KLHL4: variants seen among roughly 807,000 people sequenced by gnomAD.
KLHL4 encodes the protein kelch-like protein 4.
Under a neutral mutation model 45.8 loss-of-function variants are expected in KLHL4, and 17 were observed. The ratio of observed to expected loss-of-function variants is 0.37; its 90% CI spans 0.25 to 0.56. The LOEUF is 0.56. Among genes scored for constraint, KLHL4 ranks in the 20% least tolerant of loss-of-function variants. The pLI, the probability that KLHL4 is intolerant of heterozygous loss-of-function variation, is 0.79. For missense variants in KLHL4, 544 were observed against 544.9 expected (o/e 1.00, Z 0.02); for synonymous variants, 224 against 189.9 (o/e 1.18, Z -1.47).
chrX:87,625,123 TTTAAA>T (rs1280854968), intron 5 of KLHL4, among the ~76,000 whole-genome samples: 1 of 112,910 alleles, frequency 8.9e-6, no homozygotes, highest in Non-Finnish European at 1.9e-5. Context: ...TGTTTGCTCC[TTTAAA>T]TTATATGTGT....
chrX:87,664,456 G>A (rs189180663), intron 9 of KLHL4, among the ~76,000 whole-genome samples: 1 of 111,608 alleles, frequency 9.0e-6, no homozygotes, highest in African/African-American at 3.2e-5. Flanking sequence ...CTAAATGAGA[G>A]GAGACTTTTT....
intron 1 of KLHL4, among the ~76,000 whole-genome samples, chrX:87,530,354 T>C (rs1405533639): frequency 9.4e-6 from 1 of 106,617 alleles, no homozygotes; most frequent in Non-Finnish European, 1.9e-5. Flanking sequence ...TGTACCATGC[T>C]GGTGTGCTGC....
At chrX:87,594,874 T>A (rs1282649746) in intron 1 of KLHL4, among the ~76,000 whole-genome samples, 1 of 111,426 alleles carries the variant, frequency 9.0e-6, no homozygotes. Flanking sequence ...TTGCCAGTAG[T>A]TTTCTAGGAA....
At chrX:87,530,024 C>T (rs765951261) in intron 1 of KLHL4, among the ~76,000 whole-genome samples, 1 of 111,054 alleles carries the variant, frequency 9.0e-6, no homozygotes, top group African/African-American at 3.3e-5. Context: ...GGATATTAGC[C>T]CTTTGTCAGA....
chrX:87,640,141 G>A (rs1366838162), intron 9 of KLHL4, among the ~76,000 whole-genome samples: 2 of 110,529 alleles, frequency 1.8e-5, no homozygotes, highest in Non-Finnish European at 3.8e-5. Flanking sequence ...GATTAAACTA[G>A]GAAGAAATAG....
chrX:87,635,474 A>G, intron 8 of KLHL4, 89 bp from the exon 9 acceptor site: 1 of 653,101 alleles, frequency 1.5e-6, no homozygotes, highest in Non-Finnish European at 2.3e-6. Context: ...CTTTGTACAA[A>G]GTTCTCTCAC....
At chrX:87,519,480 A>T (rs920451639) in intron 1 of KLHL4, among the ~76,000 whole-genome samples, 1 of 112,251 alleles carries the variant, frequency 8.9e-6, no homozygotes, top group African/African-American at 3.2e-5. Flanking sequence ...TGATGCCTTT[A>T]TAGGAACTCA....
At chrX:87,607,919 C>T (rs1357041194) in intron 1 of KLHL4, among the ~76,000 whole-genome samples, 7 of 111,442 alleles carry the variant, frequency 6.3e-5, no homozygotes, top group Non-Finnish European at 1.3e-4. Context: ...CAGTTGTTCC[C>T]CTTAATGCCA....
At chrX:87,628,390 A>G (rs1248732680) in intron 6 of KLHL4, among the ~76,000 whole-genome samples, 5 of 111,788 alleles carry the variant, frequency 4.5e-5, no homozygotes, top group African/African-American at 1.6e-4. Flanking sequence ...TAGTAGCAAA[A>G]AAAAGAAAAA....
At position 87,667,872 on chromosome X, in the gene KLHL4, A is replaced by T. The variant is rs1297975819; in HGVS notation, c.*1338A>T. 1.5e-6 allele frequency: 1 copy of T among 661,751 alleles called. No individual in the cohort carries two copies. The highest frequency in any genetic ancestry group is 2.4e-5 in the African/African-American group (1 of 41,609). 54.5% of individuals were successfully genotyped at this position (661,751 alleles called of 1,213,427 possible). ...TTTAAGTTTTAAGAAAGAAGAACGT[A>T]AGTTGTACAAAGATATTTGTACTTT... On this transcript the variant is annotated 3_prime_UTR_variant, in exon 11 of 11. Coordinates refer to ENST00000373119, the MANE Select transcript of KLHL4 (RefSeq NM_019117.5).
At chrX:87,663,743 C>T (rs16980927) in intron 9 of KLHL4, among the ~76,000 whole-genome samples, 4,860 of 112,070 alleles carry the variant, frequency 0.043, 240 homozygotes, top group African/African-American at 0.15. Context: ...TGCTACATGA[C>T]ACTCAATGAT....
At chrX:87,566,662 A>T (rs73509884) in intron 1 of KLHL4, among the ~76,000 whole-genome samples, 1 of 111,712 alleles carries the variant, frequency 9.0e-6, no homozygotes, top group East Asian at 2.8e-4. Flanking sequence ...TTGAAAAATC[A>T]TAAGTCAAAC....
At chrX:87,520,618 A>T (rs113840216) in intron 1 of KLHL4, among the ~76,000 whole-genome samples, 3 of 112,462 alleles carry the variant, frequency 2.7e-5, no homozygotes, top group African/African-American at 9.7e-5. Flanking sequence ...AAATTGAATT[A>T]TAAATACATA....
chrX:87,570,128 C>T (rs1286020952), intron 1 of KLHL4, among the ~76,000 whole-genome samples: 1 of 110,328 alleles, frequency 9.1e-6, no homozygotes, highest in Non-Finnish European at 1.9e-5. Context: ...AATTTATGAT[C>T]TTAAGGGAAA....
At chrX:87,570,069 A>G (rs1230009279) in intron 1 of KLHL4, among the ~76,000 whole-genome samples, 1 of 111,346 alleles carries the variant, frequency 9.0e-6, no homozygotes, top group Non-Finnish European at 1.9e-5. Flanking sequence ...AATGTACTAG[A>G]TACATTTCAG....
chrX:87,608,181 C>T (rs1441318058), intron 1 of KLHL4, among the ~76,000 whole-genome samples: 2 of 111,991 alleles, frequency 1.8e-5, no homozygotes, highest in African/African-American at 3.2e-5. Context: ...AATTTAACAA[C>T]TCCTAACTAC....
At chrX:87,581,022 A>C (rs1341110621) in intron 1 of KLHL4, among the ~76,000 whole-genome samples, 2 of 112,182 alleles carry the variant, frequency 1.8e-5, no homozygotes, top group African/African-American at 6.5e-5. Context: ...CATCCATTCC[A>C]GCCTGTGGGC....
chrX:87,539,361 TC>T (rs1931503657), intron 1 of KLHL4, among the ~76,000 whole-genome samples: 1 of 110,572 alleles, frequency 9.0e-6, no homozygotes, highest in Non-Finnish European at 1.9e-5. Flanking sequence ...CATGTTTTTC[TC>T]CCCAGGGTCT....
At chrX:87,584,480 T>C (rs987984265) in intron 1 of KLHL4, among the ~76,000 whole-genome samples, 3 of 111,743 alleles carry the variant, frequency 2.7e-5, no homozygotes, top group Non-Finnish European at 5.6e-5. Flanking sequence ...AGAGAAGGAA[T>C]CCAGAATTCT....
Sources: allele counts gnomAD v4.1 joint callset (sites outside exome capture counted in the v4.1 genomes callset), GRCh38; gene constraint gnomAD v4.1.1; transcripts MANE v1.5; gene names NCBI Gene and HGNC (gene_info 2026-07-23, HGNC 2026-07-21).